Variants in IRF4 observed in about 807,000 individuals in gnomAD.
IRF4 encodes the protein interferon regulatory factor 4.
Under a neutral mutation model 55.5 loss-of-function variants are expected in IRF4, and 13 were observed. The observed-to-expected ratio is 0.23, with a 90% CI of 0.15 to 0.37. The LOEUF is 0.37. Ranked by LOEUF, IRF4 falls within the 10% of genes least tolerant of loss-of-function variation. The pLI is 1.00. For synonymous variants in IRF4, 249 were observed against 240.7 expected (o/e 1.03, Z -0.32); for missense variants, 397 against 593.8 (o/e 0.67, Z 3.44).
At chr6:397,280 G>T in intron 5 of IRF4, 28 bp downstream of exon 5, 1 of 1,613,216 alleles carries the variant, frequency 6.2e-7, no homozygotes, top group Non-Finnish European at 8.5e-7. Context: ...GCAGGAAATA[G>T]AAGAGCTAAT....
At position 398,925 on chromosome 6, in the gene IRF4, G is replaced by C. The variant is rs765864636; in HGVS notation, c.735G>C (p.Leu245Phe). The change falls in exon 6 of 9, where the codon TTG (leucine) becomes TTC (phenylalanine). Residue 245 changes from leucine to phenylalanine, a missense_variant. By Grantham distance (22) the Leu-to-Phe change is conservative. This residue lies in a region of IRF4 where 341 missense variants were observed against 548.1 expected (regional missense o/e 0.62). Coordinates refer to ENST00000380956, the MANE Select transcript of IRF4 (RefSeq NM_002460.4). ...CAAGCATAAGGTCTGCCGAAGCCTT[G>C]GCGTTCTCAGGTGAGTGCAGGGTTT... is the stretch of plus-strand genomic sequence containing the variant. ...TEPSIRSAEA[L>F]AFSDCRLHIC... 2.5e-6 allele frequency: 4 copies of C among 1,610,544 alleles called. No individual in the cohort carries two copies. Among genetic ancestry groups the C allele is most frequent in the Admixed American group, 1.7e-5 (1 of 59,956 alleles).
intron 7 of IRF4, among the ~76,000 whole-genome samples, chr6:403,120 C>G (rs565557612): frequency 6.6e-6 from 1 of 152,364 alleles, no homozygotes; most frequent in South Asian, 2.1e-4. Flanking sequence ...GAGGCGGCGG[C>G]AAGTGAGGAA....
intron 8 of IRF4, among the ~76,000 whole-genome samples, chr6:406,028 A>G (rs999650131): frequency 2.0e-5 from 3 of 152,236 alleles, no homozygotes; most frequent in African/African-American, 4.8e-5. Flanking sequence ...GAAATGAAAC[A>G]TGGTTTAATC....
At chr6:406,347 G>A (rs1253243673) in intron 8 of IRF4, among the ~76,000 whole-genome samples, 1 of 152,086 alleles carries the variant, frequency 6.6e-6, no homozygotes, top group Non-Finnish European at 1.5e-5. Flanking sequence ...TTCGAGACCA[G>A]CCTGACCAAC....
At chr6:398,743 A>T in intron 5 of IRF4, 85 bp from the exon 6 acceptor site, 1 of 913,694 alleles carries the variant, frequency 1.1e-6, no homozygotes, top group Admixed American at 2.4e-5. Context: ...CTTCCTTCCC[A>T]GGCTTCACAC....
At chr6:397,749 T>C (rs149205149) in intron 5 of IRF4, among the ~76,000 whole-genome samples, 3 of 152,290 alleles carry the variant, frequency 2.0e-5, no homozygotes, top group African/African-American at 7.2e-5. Context: ...GACTTGCTGA[T>C]TGTGGATTAG....
chr6:398,206 G>C (rs1486114871), intron 5 of IRF4, among the ~76,000 whole-genome samples: 1 of 152,208 alleles, frequency 6.6e-6, no homozygotes, highest in African/African-American at 2.4e-5. Context: ...TGGCTCTATG[G>C]AATTAGTAAC....
In IRF4 at chr6:409,030, G is replaced by A. The variant is rs1173705377; in HGVS notation, c.*1432G>A. The A allele has an allele frequency of 4.5e-6, 1 of 220,812 alleles. No homozygotes were observed. The highest frequency in any genetic ancestry group is 2.2e-5 in the African/African-American group (1 of 44,638). The allele number at this position is 220,812 out of a possible 1,614,324, so 13.7% of individuals were successfully genotyped here. A position where few individuals can be genotyped will look rare whatever the true frequency, so the allele number is the denominator to read the frequency against. Reference sequence around the variant, plus strand: ...GCAGTAGACTGGGGCGTCACCTCCAGGCCGTTTCTCATACTACAGGATATT... The same window carrying A: ...GCAGTAGACTGGGGCGTCACCTCCAAGCCGTTTCTCATACTACAGGATATT... On this transcript the variant is annotated 3_prime_UTR_variant, in exon 9 of 9. Transcript: ENST00000380956.
intron 7 of IRF4, among the ~76,000 whole-genome samples, chr6:404,592 T>G (rs568945229): frequency 6.6e-6 from 1 of 152,360 alleles, no homozygotes; most frequent in South Asian, 2.1e-4. Context: ...GGGATGAGGT[T>G]TTAAAATGAT....
chr6:401,306 C>A, intron 6 of IRF4, 118 bp from the exon 7 acceptor site: 1 of 750,064 alleles, frequency 1.3e-6, no homozygotes, highest in Non-Finnish European at 2.2e-6. Flanking sequence ...CCTTTTGTTC[C>A]CCCACGGGAC....
rs1761698080 is a variant in IRF4, at chr6:411,390, T to TA, written c.*3793dup. 9.9e-6 allele frequency: 2 copies of TA among 201,052 alleles called. No homozygotes were observed. The highest frequency in any genetic ancestry group is 1.5e-4 in the East Asian group (2 of 13,230). 12.5% of individuals were successfully genotyped at this position (201,052 alleles called of 1,614,324 possible). Reference sequence around the variant, plus strand: ...TAAATTGCTCTGCAAAGCAAATTGATATGTTTGATAAATTTATGTTTTTAG... The same window carrying TA: ...TAAATTGCTCTGCAAAGCAAATTGATAATGTTTGATAAATTTATGTTTTTAG... On this transcript the variant is annotated 3_prime_UTR_variant, in exon 9 of 9. Coordinates refer to ENST00000380956, the MANE Select transcript of IRF4 (RefSeq NM_002460.4).
intron 7 of IRF4, among the ~76,000 whole-genome samples, chr6:403,908 A>G (rs1761474524): frequency 1.3e-5 from 2 of 151,962 alleles, no homozygotes; most frequent in African/African-American, 4.8e-5. Flanking sequence ...GGCAGTGTGA[A>G]TGTATTTTAC....
At position 397,175 on chromosome 6, in the gene IRF4, A is replaced by G. The variant is rs1322810804; in HGVS notation, c.560A>G (p.His187Arg). The change falls in exon 5 of 9, where the codon CAC (histidine) becomes CGC (arginine). Residue 187 changes from histidine (H) to arginine (R), a missense_variant. Coordinates refer to ENST00000380956, the MANE Select transcript of IRF4 (RefSeq NM_002460.4). ...AGGGACTACGTCCCGGATCAGCCAC[A>G]CCCGGAAATCCCGTACCAATGTCCC... Reference protein sequence around the residue: ...SWRDYVPDQPHPEIPYQCPMT... With the variant: ...SWRDYVPDQPRPEIPYQCPMT... The G allele has an allele frequency of 1.9e-6, 3 of 1,614,128 alleles. No homozygotes were observed. Among genetic ancestry groups the G allele is most frequent in the Non-Finnish European group, 2.5e-6 (3 of 1,180,054 alleles).
At chr6:406,787 G>A (rs938932109) in intron 8 of IRF4, 1 of 1,214,308 alleles carries the variant, frequency 8.2e-7, no homozygotes, top group African/African-American at 1.6e-5. Flanking sequence ...TTTAGCTTAA[G>A]TCGTCATATA....
At chr6:401,376 G>A (rs759801296) in intron 6 of IRF4, 48 bp from the exon 7 acceptor site, 4 of 1,439,746 alleles carry the variant, frequency 2.8e-6, no homozygotes, top group Non-Finnish European at 3.8e-6. Flanking sequence ...TGGCCTCGAG[G>A]TGGTGTCCTT....
intron 1 of IRF4, among the ~76,000 whole-genome samples, chr6:392,186 C>T (rs1761120676): frequency 1.3e-5 from 2 of 152,270 alleles, no homozygotes; most frequent in South Asian, 4.1e-4. Flanking sequence ...AGGCCCGGCC[C>T]TGTGGACCCC....
At chr6:407,358 G>C in intron 8 of IRF4, 97 bp from the exon 9 acceptor site, 1 of 1,173,914 alleles carries the variant, frequency 8.5e-7, no homozygotes, top group Non-Finnish European at 1.2e-6. Flanking sequence ...GTAACTTTGG[G>C]CTTTACGTTA....
chr6:397,341 C>G, intron 5 of IRF4, 89 bp downstream of exon 5: 1 of 1,474,048 alleles, frequency 6.8e-7, no homozygotes, highest in Non-Finnish European at 9.3e-7. Flanking sequence ...CTGGGCAGCA[C>G]CAAAGCTCTT....
chr6:407,936 A>C lies in IRF4; in HGVS notation c.*338A>C. On this transcript the variant is annotated 3_prime_UTR_variant, in exon 9 of 9. Transcript: ENST00000380956. ...TGAGGAGAATTGCGGCGAGACAAGC[A>C]TGGAAAATCAGTGACATCTGATTGG... The C allele has an allele frequency of 3.1e-6, 1 of 320,550 alleles. No individual in the cohort carries two copies. The highest frequency in any genetic ancestry group is 5.5e-5 in the South Asian group (1 of 18,034). 19.9% of individuals were successfully genotyped at this position (320,550 alleles called of 1,614,324 possible). A position where few individuals can be genotyped will look rare whatever the true frequency, so the allele number is the denominator to read the frequency against.
Sources: gnomAD v4.1 joint callset for allele counts (sites outside exome capture counted in the v4.1 genomes callset) on GRCh38, gnomAD v4.1.1 for gene constraint, gnomAD v4.1.1 regional missense constraint, MANE v1.5 for transcripts, NCBI Gene and HGNC (gene_info 2026-07-23, HGNC 2026-07-21) for gene names.